The following NBEA variants were observed in gnomAD, a reference collection of about 807,000 sequenced individuals.
NBEA encodes neurobeachin, also known as lysosomal-trafficking regulator 2.
Under a neutral mutation model 343.4 loss-of-function variants are expected in NBEA, and 44 were observed. That is an observed-to-expected ratio of 0.13 (90% CI 0.10 to 0.16). The LOEUF is 0.16. Among genes scored for constraint, NBEA ranks in the 10% least tolerant of loss-of-function variants. The pLI, the probability that NBEA is intolerant of heterozygous loss-of-function variation, is 1.00. For synonymous variants in NBEA, 1,175 were observed against 1,238.7 expected (o/e 0.95, Z 1.08); for missense variants, 2,555 against 3,631.3 (o/e 0.70, Z 7.62).
chr13:35,411,941 A>C (rs1461648477), intron 38 of NBEA, among the ~76,000 whole-genome samples: 1 of 152,096 alleles, frequency 6.6e-6, no homozygotes, highest in African/African-American at 2.4e-5. Flanking sequence ...CCGAAACTTT[A>C]CCATAAATTT....
At chr13:35,315,854 C>A (rs1438682920) in intron 36 of NBEA, among the ~76,000 whole-genome samples, 1 of 151,956 alleles carries the variant, frequency 6.6e-6, no homozygotes, top group South Asian at 2.1e-4. Context: ...AATATTTTAA[C>A]CAACAAGCAT....
chr13:35,586,331 T>A (rs117070029), intron 46 of NBEA, among the ~76,000 whole-genome samples: 1 of 152,308 alleles, frequency 6.6e-6, no homozygotes, highest in East Asian at 1.9e-4. Flanking sequence ...CAAACTACAA[T>A]TATTTTTGTT....
chr13:34,974,814 C>A (rs1343630424), intron 1 of NBEA, among the ~76,000 whole-genome samples: 1 of 152,170 alleles, frequency 6.6e-6, no homozygotes, highest in African/African-American at 2.4e-5. Flanking sequence ...GTGTGGACTA[C>A]AGCAATATTC....
intron 1 of NBEA, among the ~76,000 whole-genome samples, chr13:35,013,593 C>G (rs1163569272): frequency 6.6e-6 from 1 of 151,920 alleles, no homozygotes; most frequent in African/African-American, 2.4e-5. Flanking sequence ...GCCTCTGCCT[C>G]CCGAGTAGCT....
At position 34,986,879 on chromosome 13, in the gene NBEA, C is replaced by T. The variant is rs376374958; in HGVS notation, c.294+43765C>T. 2.0e-5 allele frequency among the ~76,000 whole-genome samples: 3 copies of T among 151,000 alleles called. No individual in the cohort carries two copies. In the East Asian group the frequency reaches 5.8e-4, roughly 29 times the overall value. ...TCCATTTGCTTGGTAGCTCTTCCTC[C>T]ATCCCTTTATTTTGAGCCTCTGTGT... On this transcript the variant is annotated intron_variant, in intron 1 of 58. Transcript: ENST00000379939.
intron 48 of NBEA, among the ~76,000 whole-genome samples, chr13:35,622,857 T>C (rs1283298089): frequency 6.6e-6 from 1 of 152,160 alleles, no homozygotes; most frequent in Non-Finnish European, 1.5e-5. Flanking sequence ...ACAGTTAAAT[T>C]TGGTAGTCTA....
intron 1 of NBEA, among the ~76,000 whole-genome samples, chr13:35,031,797 C>T (rs991525816): frequency 2.0e-5 from 3 of 151,696 alleles, no homozygotes; most frequent in African/African-American, 7.2e-5. Context: ...TCTCCCTCCT[C>T]CCACCCTCCA....
At chr13:35,158,937 A>T in intron 21 of NBEA, 79 bp from the exon 22 acceptor site, 1 of 1,253,782 alleles carries the variant, frequency 8.0e-7, no homozygotes, top group Non-Finnish European at 1.1e-6. Context: ...TTCTATTTCC[A>T]CAATTTAATT....
chr13:35,605,422 TGTG>T (rs1463242356), intron 47 of NBEA, among the ~76,000 whole-genome samples: 3 of 152,160 alleles, frequency 2.0e-5, no homozygotes, highest in Admixed American at 6.5e-5. Flanking sequence ...GACCTCAGTA[TGTG>T]GTGGTTTTAA....
chr13:35,015,966 T>G, intron 1 of NBEA, among the ~76,000 whole-genome samples: 1 of 151,960 alleles, frequency 6.6e-6, no homozygotes, highest in Admixed American at 6.5e-5. Context: ...TCATATAATC[T>G]TTATCTTTTA....
chr13:35,478,363 C>A (rs934105334), intron 41 of NBEA, among the ~76,000 whole-genome samples: 1 of 152,198 alleles, frequency 6.6e-6, no homozygotes, highest in Non-Finnish European at 1.5e-5. Flanking sequence ...TTGCCGTCAT[C>A]GCGGGTGAAT....
intron 38 of NBEA, among the ~76,000 whole-genome samples, chr13:35,402,009 G>A (rs553919563): frequency 7.2e-5 from 11 of 151,944 alleles, no homozygotes; most frequent in South Asian, 2.1e-4. Context: ...ACATGTTATC[G>A]TTATTAATTT....
chr13:35,086,801 A>G (rs1260214671), intron 10 of NBEA, among the ~76,000 whole-genome samples: 1 of 152,006 alleles, frequency 6.6e-6, no homozygotes, highest in Non-Finnish European at 1.5e-5. Flanking sequence ...GATCCTCACC[A>G]GCACCTGTTA....
chr13:35,337,204 A>T (rs2039315916), intron 36 of NBEA, among the ~76,000 whole-genome samples: 1 of 152,110 alleles, frequency 6.6e-6, no homozygotes, highest in South Asian at 2.1e-4. Flanking sequence ...GAACTTTCCA[A>T]TTAAAACACT....
intron 35 of NBEA, among the ~76,000 whole-genome samples, chr13:35,305,945 AT>A (rs1419273318): frequency 2.0e-5 from 3 of 152,142 alleles, no homozygotes; most frequent in African/African-American, 7.2e-5. Flanking sequence ...ATTCTTCATA[AT>A]TTTGAAACTG....
At chr13:34,954,903 G>A (rs1395201583) in intron 1 of NBEA, among the ~76,000 whole-genome samples, 1 of 152,158 alleles carries the variant, frequency 6.6e-6, no homozygotes, top group Admixed American at 6.5e-5. Context: ...TGAATCTATG[G>A]ATGTAGAACT....
At chr13:35,563,297 A>G (rs1414371215) in intron 44 of NBEA, among the ~76,000 whole-genome samples, 1 of 152,008 alleles carries the variant, frequency 6.6e-6, no homozygotes, top group Non-Finnish European at 1.5e-5. Flanking sequence ...AAACAAAACA[A>G]TTAGTAATTA....
chr13:35,581,849 A>G, intron 45 of NBEA, among the ~76,000 whole-genome samples: 1 of 150,228 alleles, frequency 6.7e-6, no homozygotes. Context: ...TAACCTGCAC[A>G]ATGTGCACAT....
rs542334010 is a variant in NBEA at position 35,556,603 on chromosome 13, C to T, written c.6922+1501C>T. Among the ~76,000 whole-genome samples the T allele has an allele frequency of 3.9e-5, 6 of 151,970 alleles. No individual in the cohort carries two copies. In the East Asian group the frequency reaches 1.2e-3, roughly 29 times the overall value. ...GTGCTCTTGTGATTTAAAATGTAAGCACCTTGTTATTAATTCCCCTAGAGA... is the reference window on the plus strand; with the variant it reads ...GTGCTCTTGTGATTTAAAATGTAAGTACCTTGTTATTAATTCCCCTAGAGA... On this transcript the variant is annotated intron_variant, in intron 44 of 58. Transcript: ENST00000379939.
Sources: allele counts gnomAD v4.1 joint callset (sites outside exome capture counted in the v4.1 genomes callset), GRCh38; gene constraint gnomAD v4.1.1; transcripts MANE v1.5; gene names NCBI Gene and HGNC (gene_info 2026-07-23, HGNC 2026-07-21).